PCDHGB1: variants seen among roughly 807,000 people sequenced by gnomAD.
PCDHGB1 encodes the protein protocadherin gamma subfamily B, 1.
In PCDHGB1, 34 loss-of-function variants were observed where a neutral mutation model predicts 56.6. That is an observed-to-expected ratio of 0.60 (90% confidence interval 0.46 to 0.80). The LOEUF (loss-of-function observed/expected upper bound fraction) is 0.80. PCDHGB1 is among the 30% of genes least tolerant of loss of function. The probability of loss-of-function intolerance (pLI) is 0.00; values close to 1 mark genes in which losing one functional copy is unlikely to be tolerated. For synonymous variants in PCDHGB1, 561 were observed against 505.9 expected (o/e 1.11, Z -1.46); for missense variants, 1,278 against 1,204.6 (o/e 1.06, Z -0.90).
At position 141,440,639 on chromosome 5, in the gene PCDHGB1, T is replaced by C. The variant is rs2098191350; in HGVS notation, c.2410-54168T>C. On this transcript the variant is annotated intron_variant, in intron 1 of 3. Coordinates refer to ENST00000523390, the MANE Select transcript of PCDHGB1 (RefSeq NM_018922.3). ...GATCCTGATGTTGAGAGAAATTCCT[T>C]ACAAAATTATCACCTTAGCAGCAAC... 2 of 152,192 alleles carry C rather than the reference T, an allele frequency of 1.3e-5. 1 individual carries two copies. The highest frequency in any genetic ancestry group is 4.8e-5 in the African/African-American group (2 of 41,440). The allele number at this position is 152,192 out of a possible 1,614,324, so 9.4% of individuals were successfully genotyped here.
rs139839962 is a variant in PCDHGB1, at chr5:141,380,524, G to C, written c.2409+27855G>C. On this transcript the variant is annotated intron_variant, in intron 1 of 3. Coordinates refer to ENST00000523390, the MANE Select transcript of PCDHGB1 (RefSeq NM_018922.3). ...ATATACACTCTTTAAACTATGAAAT[G>C]ATTTCAATTTGATACAATGAGCTTA... Among the ~76,000 whole-genome samples the C allele has an allele frequency of 4.5e-3, 691 of 152,196 alleles. 6 individuals are homozygous for C. Among genetic ancestry groups the C allele is most frequent in the Middle Eastern group, 0.014 (4 of 294 alleles).
chr5:141,479,941 T>C (rs983830280), intron 1 of PCDHGB1, among the ~76,000 whole-genome samples: 2 of 152,194 alleles, frequency 1.3e-5, no homozygotes, highest in Admixed American at 6.5e-5. Context: ...TGCTATCAAC[T>C]CTTGGATTTG....
chr5:141,364,605 G>C (rs1380468665), intron 1 of PCDHGB1: 7 of 1,614,186 alleles, frequency 4.3e-6, no homozygotes, highest in South Asian at 1.1e-5. Flanking sequence ...AGGATAGACC[G>C]GGAGGAGCTC....
chr5:141,467,811 A>T (rs562932160), intron 1 of PCDHGB1, among the ~76,000 whole-genome samples: 1 of 152,164 alleles, frequency 6.6e-6, no homozygotes, highest in African/African-American at 2.4e-5. Flanking sequence ...GGCACATGCC[A>T]CCACACCAGG....
chr5:141,375,868 C>G (rs1259625295), intron 1 of PCDHGB1: 1 of 1,613,938 alleles, frequency 6.2e-7, no homozygotes. Flanking sequence ...TGGCGGTGGA[C>G]AGAGACTCGG....
At chr5:141,498,429 G>T (rs1595525351) in intron 2 of PCDHGB1, among the ~76,000 whole-genome samples, 1 of 152,290 alleles carries the variant, frequency 6.6e-6, no homozygotes, top group East Asian at 1.9e-4. Flanking sequence ...GGAGTGAGGG[G>T]ATGAAGAGGA....
chr5:141,381,459 T>C (rs565448473), intron 1 of PCDHGB1, among the ~76,000 whole-genome samples: 2 of 152,378 alleles, frequency 1.3e-5, no homozygotes, highest in South Asian at 4.1e-4. Flanking sequence ...TGCATTTTGC[T>C]CAAATGCTGT....
intron 1 of PCDHGB1, among the ~76,000 whole-genome samples, chr5:141,454,796 ATTTTTTTTTTT>A (rs61612330): frequency 0.01 from 775 of 77,498 alleles, 10 homozygotes; most frequent in African/African-American, 0.043. Context: ...CATGGTTCTA[ATTTTTTTTTTT>A]TTTTTTTTTT....
chr5:141,421,358 C>T (rs2096566137), intron 1 of PCDHGB1: 1 of 1,613,870 alleles, frequency 6.2e-7, no homozygotes, highest in Non-Finnish European at 8.5e-7. Context: ...GAAAAGGGCT[C>T]CTTCGTGGGC....
intron 1 of PCDHGB1, chr5:141,365,800 C>T: frequency 2.5e-6 from 4 of 1,613,914 alleles, no homozygotes; most frequent in South Asian, 2.2e-5. Flanking sequence ...TCACCTACTC[C>T]CTGGCTGAAG....
intron 1 of PCDHGB1, among the ~76,000 whole-genome samples, chr5:141,468,047 G>A (rs901583535): frequency 2.0e-5 from 3 of 152,050 alleles, no homozygotes; most frequent in Non-Finnish European, 2.9e-5. Context: ...AAACTAAGCC[G>A]GGCACAGTGG....
chr5:141,472,505 A>G (rs1041224118), intron 1 of PCDHGB1, among the ~76,000 whole-genome samples: 4 of 152,004 alleles, frequency 2.6e-5, no homozygotes, highest in African/African-American at 7.3e-5. Context: ...GTGCCACTGC[A>G]CTCCAGCCTG....
chr5:141,481,502 T>G (rs1425241526), intron 1 of PCDHGB1, among the ~76,000 whole-genome samples: 1 of 152,232 alleles, frequency 6.6e-6, no homozygotes, highest in Non-Finnish European at 1.5e-5. Context: ...TTGCATGGTA[T>G]GTGAATTATG....
At chr5:141,435,214 A>G (rs1314928643) in intron 1 of PCDHGB1, among the ~76,000 whole-genome samples, 2 of 152,176 alleles carry the variant, frequency 1.3e-5, no homozygotes, top group South Asian at 2.1e-4. Context: ...AAGTGAATTT[A>G]CTTTCTTTCA....
rs537619617 is a variant in PCDHGB1 at position 141,483,429 on chromosome 5, C to G, written c.2410-11378C>G. On this transcript the variant is annotated intron_variant, in intron 1 of 3. Coordinates refer to ENST00000523390, the MANE Select transcript of PCDHGB1 (RefSeq NM_018922.3). ...ACAGTGGCAGTACAGATGGAGGGAGCTGACTACAATAAAATCATCAGGACT... is the reference window on the plus strand; with the variant it reads ...ACAGTGGCAGTACAGATGGAGGGAGGTGACTACAATAAAATCATCAGGACT... Among the ~76,000 whole-genome samples the G allele has an allele frequency of 5.3e-5, 8 of 152,158 alleles. No individual in the cohort carries two copies. In the East Asian group the frequency reaches 1.5e-3, roughly 29 times the overall value.
chr5:141,352,417 T>G lies in PCDHGB1; in HGVS notation c.2157T>G (p.Thr719=). ...LRLRRSSSLD[T]EGCFQTGLCS... Reference sequence around the variant, plus strand: ...TGCGACGTTCCTCCAGCCTCGACACTGAGGGCTGCTTTCAAACCGGTCTCT... The same window carrying G: ...TGCGACGTTCCTCCAGCCTCGACACGGAGGGCTGCTTTCAAACCGGTCTCT... Residue 719 remains threonine, a synonymous_variant, in exon 1 of 4, where the codon ACT becomes ACG. Coordinates refer to ENST00000523390, the MANE Select transcript of PCDHGB1 (RefSeq NM_018922.3). The G allele has an allele frequency of 6.2e-7, 1 of 1,614,054 alleles. No homozygotes were observed. The highest frequency in any genetic ancestry group is 8.5e-7 in the Non-Finnish European group (1 of 1,179,904).
At position 141,432,297 on chromosome 5, in the gene PCDHGB1, T is replaced by C. The variant is rs1339659774; in HGVS notation, c.2410-62510T>C. 3.1e-6 allele frequency: 5 copies of C among 1,614,040 alleles called. No individual in the cohort carries two copies. The highest frequency in any genetic ancestry group is 1.7e-5 in the Admixed American group (1 of 60,006). ...GTGTCCATCAACTCCGACACTGGGG[T>C]ACTGTATGCGCTGAGCTCCTTCGAC... On this transcript the variant is annotated intron_variant, in intron 1 of 3. Transcript: ENST00000523390. This position sits in a 1 kb window ranked among gnomAD's most constrained non-coding sequence, Gnocchi z 6.0.
chr5:141,381,898 C>T (rs1777736173), intron 1 of PCDHGB1, among the ~76,000 whole-genome samples: 2 of 123,608 alleles, frequency 1.6e-5, no homozygotes, highest in African/African-American at 6.3e-5. Context: ...GGTGTGATCT[C>T]GGCTCACCAC....
chr5:141,398,932 C>T (rs554339110), intron 1 of PCDHGB1: 1 of 1,613,900 alleles, frequency 6.2e-7, no homozygotes, highest in Non-Finnish European at 8.5e-7. Context: ...AGCCACTGAC[C>T]AAGACGAGGG....
Sources: allele counts gnomAD v4.1 joint callset (sites outside exome capture counted in the v4.1 genomes callset), GRCh38; gene constraint gnomAD v4.1.1; non-coding constraint Gnocchi (gnomAD v3.1); transcripts MANE v1.5; gene names NCBI Gene and HGNC (gene_info 2026-07-23, HGNC 2026-07-21).